TAOK1: variants seen among roughly 807,000 people sequenced by gnomAD.
The protein encoded by TAOK1 is serine/threonine-protein kinase TAO1.
A neutral mutation model predicts 138.3 loss-of-function variants in TAOK1; 21 were observed. The observed-to-expected ratio is 0.15, with a 90% CI of 0.11 to 0.22. The LOEUF (loss-of-function observed/expected upper bound fraction) is 0.22, where lower values mean the gene tolerates loss of function less well. Ranked by LOEUF, TAOK1 falls within the 10% of genes least tolerant of loss-of-function variation. The pLI, the probability that TAOK1 is intolerant of heterozygous loss-of-function variation, is 1.00. For synonymous variants in TAOK1, 361 were observed against 398.4 expected, an observed-to-expected ratio of 0.91 and a Z score of 1.12; for missense variants, 651 against 1,227.7, an observed-to-expected ratio of 0.53 and a Z score of 7.02.
In TAOK1 at chr17:29,455,999, C is replaced by T. The variant is rs988302494; in HGVS notation, c.132+4319C>T. The stretch of plus-strand genomic sequence containing the variant: ...TCATAGGGTGAGTTAGGAAGTGTTC[C>T]CTTCTTTTCTATTTTTTGATAGAGT... On this transcript the variant is annotated intron_variant, in intron 2 of 19. Transcript: ENST00000261716. Among the ~76,000 whole-genome samples the T allele has an allele frequency of 9.3e-5, 14 of 149,856 alleles. 1 individual carries two copies. The highest frequency in any genetic ancestry group is 3.6e-4 in the African/African-American group (14 of 39,354).
At position 29,480,427 on chromosome 17, in the gene TAOK1, T is replaced by G; in HGVS notation, c.509T>G (p.Phe170Cys). 1 of 1,613,566 alleles carries G rather than the reference T, an allele frequency of 6.2e-7. No individual in the cohort carries two copies. Among genetic ancestry groups the G allele is most frequent in the Non-Finnish European group, 8.5e-7 (1 of 1,179,618 alleles). Reference protein sequence around the residue: ...TEPGQVKLADFGSASMASPAN... With the variant: ...TEPGQVKLADCGSASMASPAN... ...CCAGGCCAGGTGAAACTTGCTGACT[T>G]TGGCTCTGCTTCCATGGCATCACCT... Residue 170 changes from phenylalanine (F) to cysteine (C), a missense_variant, in exon 7 of 20, where the codon TTT becomes TGT. This residue lies in a region of TAOK1 where 116 missense variants were observed against 213.9 expected (regional missense o/e 0.54). Transcript: ENST00000261716.
intron 1 of TAOK1, among the ~76,000 whole-genome samples, chr17:29,449,976 T>A (rs764244952): frequency 6.6e-6 from 1 of 152,260 alleles, no homozygotes; most frequent in Non-Finnish European, 1.5e-5. Context: ...ATGCTTTCAT[T>A]TATTAACTCA....
intron 6 of TAOK1, 102 bp downstream of exon 6, chr17:29,478,449 A>G: frequency 1.4e-6 from 1 of 723,440 alleles, no homozygotes; most frequent in Non-Finnish European, 2.1e-6. Flanking sequence ...AAAGCCAAAT[A>G]AAATAATATA....
rs1017044630 is a variant in TAOK1 at position 29,493,208 on chromosome 17, A to T, written c.831+1343A>T. Among the ~76,000 whole-genome samples, 4 of 148,024 alleles carry T rather than the reference A, an allele frequency of 2.7e-5. No homozygotes were observed. In the South Asian group the frequency reaches 8.7e-4, roughly 32 times the overall value. ...TACACATCAAACTAAAGAAAAAGTAAGAATGGCCGGGCGCGGTGGCTCACT... is the reference window on the plus strand; with the variant it reads ...TACACATCAAACTAAAGAAAAAGTATGAATGGCCGGGCGCGGTGGCTCACT... On this transcript the variant is annotated intron_variant, in intron 10 of 19. Coordinates refer to ENST00000261716, the MANE Select transcript of TAOK1 (RefSeq NM_020791.4).
At chr17:29,524,824 G>A (rs1319159913) in intron 17 of TAOK1, among the ~76,000 whole-genome samples, 2 of 152,110 alleles carry the variant, frequency 1.3e-5, no homozygotes, top group Non-Finnish European at 1.5e-5. Context: ...GGGGTGGGGT[G>A]CTGTTTCTAT....
intron 1 of TAOK1, among the ~76,000 whole-genome samples, chr17:29,392,159 T>C (rs1904453455): frequency 2.6e-5 from 4 of 151,934 alleles, no homozygotes; most frequent in Admixed American, 2.0e-4. Flanking sequence ...GAGGTTGCAG[T>C]GAGGCGAGAT....
chr17:29,432,607 G>A (rs1330836534), intron 1 of TAOK1, among the ~76,000 whole-genome samples: 2 of 152,154 alleles, frequency 1.3e-5, no homozygotes, highest in East Asian at 3.9e-4. Flanking sequence ...TGGGATTACA[G>A]GCGTGAGCCA....
Position 29,542,816 on chromosome 17 carries a change from G to T in TAOK1, c.2800G>T (p.Gly934Cys). The change falls in exon 20 of 20, where the codon GGC becomes TGC. Residue 934 changes from glycine to cysteine, a missense_variant. By Grantham distance (159) the Gly-to-Cys change is radical (BLOSUM62 -3). Coordinates refer to ENST00000261716, the MANE Select transcript of TAOK1 (RefSeq NM_020791.4). ...CATGGGTGGCCCACCACAAGCTTGG[G>T]GCCATCCAATGCAAGGTGGACCCCA... ...HPMGGPPQAW[G>C]HPMQGGPQPW... The T allele has an allele frequency of 2.5e-6, 4 of 1,614,160 alleles. 1 individual carries two copies. Among genetic ancestry groups the T allele is most frequent in the Non-Finnish European group, 3.4e-6 (4 of 1,180,034 alleles).
chr17:29,488,682 T>TG (rs1214660213), intron 8 of TAOK1, among the ~76,000 whole-genome samples: 1 of 151,986 alleles, frequency 6.6e-6, no homozygotes, highest in East Asian at 1.9e-4. Flanking sequence ...ATATTTCGGT[T>TG]GGTTCAGTCT....
chr17:29,395,835 T>TTTTTTTTTTG (rs1904582028), intron 1 of TAOK1, among the ~76,000 whole-genome samples: 1 of 139,826 alleles, frequency 7.2e-6, no homozygotes, highest in African/African-American at 2.7e-5. Context: ...TTTTTTTTTT[T>TTTTTTTTTTG]TTTTTTTTTT....
chr17:29,402,802 C>T (rs1269127597), intron 1 of TAOK1, among the ~76,000 whole-genome samples: 1 of 151,656 alleles, frequency 6.6e-6, no homozygotes, highest in Non-Finnish European at 1.5e-5. Flanking sequence ...TTTGGGAGGC[C>T]GAGGTGGGTG....
chr17:29,409,361 G>A (rs201311748), intron 1 of TAOK1, among the ~76,000 whole-genome samples: 2 of 120,650 alleles, frequency 1.7e-5, no homozygotes, highest in East Asian at 4.7e-4. Flanking sequence ...TTGAGATGGA[G>A]TCTCACTCTG....
At chr17:29,398,504 CTTCTTTTCTT>C (rs550236319) in intron 1 of TAOK1, among the ~76,000 whole-genome samples, 24 of 150,100 alleles carry the variant, frequency 1.6e-4, no homozygotes, top group South Asian at 6.3e-4. Context: ...CTGCGCCAGG[CTTCTTTTCTT>C]TTCTTTTCTT....
chr17:29,417,336 G>T (rs889199589), intron 1 of TAOK1, among the ~76,000 whole-genome samples: 5 of 152,158 alleles, frequency 3.3e-5, no homozygotes, highest in African/African-American at 1.2e-4. Flanking sequence ...TTTTTAAGTT[G>T]GGTTGTTTGT....
At chr17:29,533,840 A>AGACCGTGGGGAGAGGGG (rs2032175605) in intron 18 of TAOK1, among the ~76,000 whole-genome samples, 4 of 77,922 alleles carry the variant, frequency 5.1e-5, no homozygotes, top group Non-Finnish European at 5.2e-5. Flanking sequence ...GGGGAGAGGG[A>AGACCGTGGGGAGAGGGG]GGGGGAGGGG....
intron 11 of TAOK1, among the ~76,000 whole-genome samples, chr17:29,497,501 A>C (rs2031436955): frequency 6.6e-6 from 1 of 152,162 alleles, no homozygotes; most frequent in African/African-American, 2.4e-5. Flanking sequence ...TAAATTCTGC[A>C]TATCTTAAAG....
chr17:29,439,073 G>A (rs543879361), intron 1 of TAOK1, among the ~76,000 whole-genome samples: 157 of 152,034 alleles, frequency 1.0e-3, no homozygotes, highest in African/African-American at 3.8e-3. Flanking sequence ...ACTTCAGTAT[G>A]TATTGCTCAA....
chr17:29,530,979 T>TTTTTTTTTTA (rs2032092142), intron 18 of TAOK1, among the ~76,000 whole-genome samples: 2 of 145,704 alleles, frequency 1.4e-5, no homozygotes, highest in African/African-American at 2.6e-5. Context: ...TTTTTTTTTT[T>TTTTTTTTTTA]GAGACGGAGT....
intron 12 of TAOK1, among the ~76,000 whole-genome samples, chr17:29,501,997 A>C (rs1364692154): frequency 6.6e-6 from 1 of 152,174 alleles, no homozygotes; most frequent in East Asian, 1.9e-4. Flanking sequence ...TTGAGTGTTT[A>C]CCACTGCACT....
Sources: allele counts gnomAD v4.1 joint callset (sites outside exome capture counted in the v4.1 genomes callset), GRCh38; gene constraint gnomAD v4.1.1; regional missense constraint gnomAD v4.1.1; transcripts MANE v1.5; gene names NCBI Gene and HGNC (gene_info 2026-07-23, HGNC 2026-07-21).